The following MCPH1 variants were observed in gnomAD, a reference collection of about 807,000 sequenced individuals.
MCPH1 encodes microcephalin.
In MCPH1, 104 loss-of-function variants were observed where a neutral mutation model predicts 84.5. That is an observed-to-expected ratio of 1.23 (90% CI 1.05 to 1.45). The LOEUF (loss-of-function observed/expected upper bound fraction) is 1.45, where lower values mean the gene tolerates loss of function less well. MCPH1 is among the 40% of genes most tolerant of loss of function. The pLI is 0.00. For synonymous variants in MCPH1, 514 were observed against 366.8 expected (o/e 1.40, Z -4.58); for missense variants, 1,498 against 1,005.7 (o/e 1.49, Z -6.62).
Position 6,505,389 on chromosome 8 carries a change from A to G in MCPH1, c.2214+5460A>G, listed in dbSNP as rs1221259918. Among the ~76,000 whole-genome samples, 4 of 64,402 alleles carry G rather than the reference A, an allele frequency of 6.2e-5. 1 individual carries two copies. Among genetic ancestry groups the G allele is most frequent in the African/African-American group, 2.0e-4 (4 of 20,414 alleles). The allele number at this position is 64,402 out of a possible 152,430, so 42.3% of individuals were successfully genotyped here. ...TATAGAATATATATATTCTTTCTATATGTATATAGAATATATATATTCTTT... is the reference window on the plus strand; with the variant it reads ...TATAGAATATATATATTCTTTCTATGTGTATATAGAATATATATATTCTTT... On this transcript the variant is annotated intron_variant, in intron 12 of 13. Coordinates refer to ENST00000344683, the MANE Select transcript of MCPH1 (RefSeq NM_024596.5).
At chr8:6,523,609 T>G (rs569549017) in intron 12 of MCPH1, among the ~76,000 whole-genome samples, 20 of 150,494 alleles carry the variant, frequency 1.3e-4, no homozygotes, top group Non-Finnish European at 3.0e-4. Context: ...TGAGATGGAG[T>G]CTCGGAGTCT....
At chr8:6,512,914 T>G (rs1360714063) in intron 12 of MCPH1, among the ~76,000 whole-genome samples, 1 of 152,210 alleles carries the variant, frequency 6.6e-6, no homozygotes, top group African/African-American at 2.4e-5. Context: ...TCTCTAAACT[T>G]GACAACTAAT....
At chr8:6,501,262 T>A (rs1301649104) in intron 12 of MCPH1, 1 of 152,000 alleles carries the variant, frequency 6.6e-6, no homozygotes, top group Non-Finnish European at 1.5e-5. Flanking sequence ...TGGGGAGAAG[T>A]TGGGGTAAAA....
chr8:6,478,269 G>C (rs148452518), intron 10 of MCPH1, among the ~76,000 whole-genome samples: 1 of 152,210 alleles, frequency 6.6e-6, no homozygotes. Context: ...TCAGTAGTGG[G>C]ATCCTTTTCC....
rs114296604 is a variant in MCPH1 at position 6,452,781 on chromosome 8, G to A, written c.1826-2362G>A. 8.0e-3 allele frequency among the ~76,000 whole-genome samples: 1,222 copies of A among 152,346 alleles called. 20 individuals are homozygous for A. Among genetic ancestry groups the A allele is most frequent in the African/African-American group, 0.027 (1,142 of 41,588 alleles). ...CCTTCACCGGAACCCGACCATGGGG[G>A]CACCGTGATCTCGGCCTTCAGGCCA... On this transcript the variant is annotated intron_variant, in intron 8 of 13. Coordinates refer to ENST00000344683, the MANE Select transcript of MCPH1 (RefSeq NM_024596.5).
At chr8:6,473,235 A>C (rs1255561336) in intron 9 of MCPH1, among the ~76,000 whole-genome samples, 1 of 151,980 alleles carries the variant, frequency 6.6e-6, no homozygotes, top group East Asian at 1.9e-4. Context: ...TCTGTAATAA[A>C]CTTAAAAGAT....
At chr8:6,610,520 C>G (rs563651457) in intron 12 of MCPH1, among the ~76,000 whole-genome samples, 25 of 152,320 alleles carry the variant, frequency 1.6e-4, no homozygotes, top group African/African-American at 5.8e-4. Flanking sequence ...TAATCTTCCT[C>G]CAGTCTGTTT....
intron 1 of MCPH1, among the ~76,000 whole-genome samples, chr8:6,407,947 T>A (rs1188508145): frequency 6.6e-6 from 1 of 152,218 alleles, no homozygotes; most frequent in Non-Finnish European, 1.5e-5. Context: ...TAAAGTTTTA[T>A]TGGAACACAG....
chr8:6,446,432 C>G (rs781394825), intron 8 of MCPH1: 293 of 985,152 alleles, frequency 3.0e-4, no homozygotes, highest in Non-Finnish European at 3.4e-4. Flanking sequence ...TCATCACAGA[C>G]ATGTTACATA....
chr8:6,617,523 A>G (rs1023394466), intron 12 of MCPH1, among the ~76,000 whole-genome samples: 1 of 152,138 alleles, frequency 6.6e-6, no homozygotes, highest in Non-Finnish European at 1.5e-5. Context: ...AACAACAAAA[A>G]TAAAACAACA....
At chr8:6,627,671 G>A (rs912813478) in intron 13 of MCPH1, among the ~76,000 whole-genome samples, 4 of 151,908 alleles carry the variant, frequency 2.6e-5, no homozygotes, top group Admixed American at 6.6e-5. Flanking sequence ...CGGGTGGGTC[G>A]TTTGAGCCCA....
At chr8:6,546,779 C>G (rs974818182) in intron 12 of MCPH1, among the ~76,000 whole-genome samples, 38 of 152,212 alleles carry the variant, frequency 2.5e-4, no homozygotes, top group African/African-American at 8.7e-4. Context: ...TCTTCCTCCC[C>G]TTCCCCCAAT....
chr8:6,579,824 G>T (rs1295590539), intron 12 of MCPH1, among the ~76,000 whole-genome samples: 4 of 152,158 alleles, frequency 2.6e-5, no homozygotes, highest in Non-Finnish European at 4.4e-5. Context: ...TCTCGTTTAT[G>T]CAGAAGTGGA....
intron 4 of MCPH1, among the ~76,000 whole-genome samples, chr8:6,435,822 A>G (rs1480253994): frequency 6.6e-6 from 1 of 152,240 alleles, no homozygotes; most frequent in African/African-American, 2.4e-5. Flanking sequence ...TGTCTCACAA[A>G]GCATAATACA....
Position 6,412,890 on chromosome 8 carries a change from A to C in MCPH1, c.115-1875A>C, listed in dbSNP as rs1342423959. ...AAAAAGACTAACGGGCAGTGCCATG[A>C]AATTCACAATGAAAAGAAAGAGAAA... On this transcript the variant is annotated intron_variant, in intron 2 of 13. Transcript: ENST00000344683. 2.0e-5 allele frequency among the ~76,000 whole-genome samples: 3 copies of C among 152,232 alleles called. No individual in the cohort carries two copies. In the East Asian group the frequency reaches 5.8e-4, roughly 29 times the overall value.
intron 12 of MCPH1, among the ~76,000 whole-genome samples, chr8:6,555,994 C>G (rs568433446): frequency 2.0e-5 from 3 of 152,178 alleles, no homozygotes; most frequent in Non-Finnish European, 2.9e-5. Flanking sequence ...CAATCGGAAT[C>G]TGTCAAGTCT....
At chr8:6,624,900 A>T (rs540972088) in intron 13 of MCPH1, 1 of 951,408 alleles carries the variant, frequency 1.1e-6, no homozygotes, top group East Asian at 1.2e-4. Context: ...TCTGAGATGG[A>T]GTCTCGCTGT....
At chr8:6,473,823 A>C in intron 9 of MCPH1, 2 of 1,302,954 alleles carry the variant, frequency 1.5e-6, no homozygotes, top group Non-Finnish European at 2.1e-6. Context: ...AGTGATTGTA[A>C]AGTAGCTAGC....
At chr8:6,454,666 G>A (rs1805487695) in intron 8 of MCPH1, among the ~76,000 whole-genome samples, 1 of 152,158 alleles carries the variant, frequency 6.6e-6, no homozygotes, top group Non-Finnish European at 1.5e-5. Context: ...GAAACTTGGG[G>A]GGAGTAAAAT....
Sources: allele counts gnomAD v4.1 joint callset (sites outside exome capture counted in the v4.1 genomes callset), GRCh38; gene constraint gnomAD v4.1.1; transcripts MANE v1.5; gene names NCBI Gene and HGNC (gene_info 2026-07-23, HGNC 2026-07-21).